Variants in FBXL17 observed in about 807,000 individuals in gnomAD.
The protein encoded by FBXL17 is F-box/LRR-repeat protein 17.
FBXL17 carries 22 observed loss-of-function variants against 66.2 expected under a neutral mutation model. The ratio of observed to expected loss-of-function variants is 0.33; its 90% CI spans 0.24 to 0.47. FBXL17 has a LOEUF of 0.47. FBXL17 is among the 20% of genes least tolerant of loss of function. The probability of loss-of-function intolerance (pLI) is 1.00; values close to 1 mark genes in which losing one functional copy is unlikely to be tolerated. For synonymous variants in FBXL17, 474 were observed against 400.5 expected, an observed-to-expected ratio of 1.18 and a Z score of -2.19; for missense variants, 878 against 948.2, an observed-to-expected ratio of 0.93 and a Z score of 0.97.
chr5:108,271,198 C>A (rs967892936), intron 4 of FBXL17, among the ~76,000 whole-genome samples: 7 of 152,070 alleles, frequency 4.6e-5, no homozygotes, highest in Non-Finnish European at 8.8e-5. Context: ...TCAATTCCTC[C>A]AGTGAAATAA....
At position 107,860,137 on chromosome 5, in the gene FBXL17, G is replaced by C. The variant is rs1050723305; in HGVS notation, c.*1583C>G. The stretch of plus-strand genomic sequence containing the variant: ...AAGGAAACAGTTGTTTACAAAAAAA[G>C]AGAATCATTAGAAATCAGTAAATGG... On this transcript the variant is annotated 3_prime_UTR_variant, in exon 9 of 9. Coordinates refer to ENST00000542267, the MANE Select transcript of FBXL17 (RefSeq NM_001163315.3). 3.9e-5 allele frequency: 6 copies of C among 152,252 alleles called. No homozygotes were observed. The highest frequency in any genetic ancestry group is 1.4e-4 in the African/African-American group (6 of 41,442). 9.4% of individuals were successfully genotyped at this position (152,252 alleles called of 1,614,324 possible).
intron 4 of FBXL17, among the ~76,000 whole-genome samples, chr5:108,339,807 T>C (rs947327765): frequency 1.3e-5 from 2 of 152,208 alleles, no homozygotes; most frequent in Non-Finnish European, 2.9e-5. Flanking sequence ...GATATCCTTA[T>C]CGGAGTTTTT....
At position 108,224,103 on chromosome 5, in the gene FBXL17, A is replaced by T. The variant is rs747176318; in HGVS notation, c.1614+18T>A. 1.5e-6 allele frequency: 2 copies of T among 1,362,756 alleles called. No homozygotes were observed. Among genetic ancestry groups the T allele is most frequent in the South Asian group, 1.2e-5 (1 of 80,782 alleles). 84.4% of individuals were successfully genotyped at this position (1,362,756 alleles called of 1,614,324 possible). A position where few individuals can be genotyped will look rare whatever the true frequency, so the allele number is the denominator to read the frequency against. On this transcript the variant is annotated intron_variant, in intron 5 of 8. Transcript: ENST00000542267. ...ATGATACTCAAAAATACCAAGGAAA[A>T]GCAGCCATAGTACCTACCTTGGTTA...
At chr5:108,227,108 C>T (rs1755133811) in intron 4 of FBXL17, among the ~76,000 whole-genome samples, 1 of 152,084 alleles carries the variant, frequency 6.6e-6, no homozygotes, top group African/African-American at 2.4e-5. Context: ...CTGTGGAGAA[C>T]CATGACTAAT....
At chr5:108,340,210 TGA>T (rs1746791239) in intron 4 of FBXL17, among the ~76,000 whole-genome samples, 2 of 151,450 alleles carry the variant, frequency 1.3e-5, no homozygotes. Context: ...GAATTTAGAA[TGA>T]GTAAAAATGT....
chr5:108,248,653 C>A (rs1049288189), intron 4 of FBXL17, among the ~76,000 whole-genome samples: 2 of 152,074 alleles, frequency 1.3e-5, no homozygotes, highest in African/African-American at 4.8e-5. Context: ...CAGGAAATAA[C>A]ATAACCAAAT....
At chr5:108,207,406 T>A (rs1324233892) in intron 5 of FBXL17, among the ~76,000 whole-genome samples, 3 of 152,206 alleles carry the variant, frequency 2.0e-5, no homozygotes, top group South Asian at 4.2e-4. Context: ...GGTATACACA[T>A]ACCATGGTGG....
chr5:108,098,400 C>T (rs148244439), intron 6 of FBXL17, among the ~76,000 whole-genome samples: 4,988 of 152,186 alleles, frequency 0.033, 120 homozygotes, highest in Non-Finnish European at 0.05. Context: ...GCTTTGATTT[C>T]ACCTCCTTTC....
intron 7 of FBXL17, among the ~76,000 whole-genome samples, chr5:107,932,312 T>TAC (rs748556057): frequency 3.0e-4 from 46 of 152,322 alleles, no homozygotes; most frequent in Non-Finnish European, 5.9e-4. Flanking sequence ...TTCTTAGTAG[T>TAC]ACTCTTAATT....
chr5:107,888,685 G>A (rs1749053063), intron 7 of FBXL17, among the ~76,000 whole-genome samples: 1 of 152,100 alleles, frequency 6.6e-6, no homozygotes. Context: ...TATACTGGTA[G>A]TGTTATGTAT....
At chr5:108,079,980 A>C (rs1209715811) in intron 6 of FBXL17, among the ~76,000 whole-genome samples, 2 of 152,218 alleles carry the variant, frequency 1.3e-5, no homozygotes, top group African/African-American at 2.4e-5. Context: ...TTAAGAATTA[A>C]GGCAGGGAGG....
At chr5:108,271,565 A>G (rs1235797313) in intron 4 of FBXL17, among the ~76,000 whole-genome samples, 1 of 152,214 alleles carries the variant, frequency 6.6e-6, no homozygotes, top group Admixed American at 6.5e-5. Context: ...AAAACTACCA[A>G]TACAGTCAAC....
At chr5:108,147,698 A>G (rs1412474734) in intron 6 of FBXL17, among the ~76,000 whole-genome samples, 1 of 152,200 alleles carries the variant, frequency 6.6e-6, no homozygotes, top group African/African-American at 2.4e-5. Flanking sequence ...CTCAAATTTA[A>G]GGAGCTCAAT....
At chr5:108,343,953 T>C (rs1580855213) in intron 4 of FBXL17, among the ~76,000 whole-genome samples, 2 of 152,322 alleles carry the variant, frequency 1.3e-5, no homozygotes, top group Middle Eastern at 3.4e-3. Flanking sequence ...ATGAAACTCA[T>C]TTGGCGCTTT....
At chr5:108,238,284 G>T (rs1340701550) in intron 4 of FBXL17, among the ~76,000 whole-genome samples, 1 of 152,126 alleles carries the variant, frequency 6.6e-6, no homozygotes, top group Non-Finnish European at 1.5e-5. Context: ...TCTAAAAGCA[G>T]ATTATTTAAA....
intron 7 of FBXL17, among the ~76,000 whole-genome samples, chr5:107,995,405 A>G (rs886879242): frequency 6.6e-6 from 1 of 152,210 alleles, no homozygotes; most frequent in African/African-American, 2.4e-5. Context: ...GCATGGCTAA[A>G]TGAACTCTTT....
intron 6 of FBXL17, among the ~76,000 whole-genome samples, chr5:108,173,089 C>A (rs1752667287): frequency 6.6e-6 from 1 of 152,166 alleles, no homozygotes; most frequent in South Asian, 2.1e-4. Flanking sequence ...GTGTGAGCCA[C>A]TGTGCCCGGC....
chr5:107,996,895 C>A (rs544563749), intron 7 of FBXL17, among the ~76,000 whole-genome samples: 3 of 152,248 alleles, frequency 2.0e-5, no homozygotes, highest in African/African-American at 7.2e-5. Context: ...CATCATGGTA[C>A]CTCTCCTGGA....
At chr5:107,980,401 ATT>A (rs76242029) in intron 7 of FBXL17, among the ~76,000 whole-genome samples, 18 of 146,396 alleles carry the variant, frequency 1.2e-4, no homozygotes, top group African/African-American at 2.8e-4. Flanking sequence ...TTTACTTAAT[ATT>A]TTTTTTTTTC....
Sources: gnomAD v4.1 joint callset for allele counts (sites outside exome capture counted in the v4.1 genomes callset) on GRCh38, gnomAD v4.1.1 for gene constraint, MANE v1.5 for transcripts, NCBI Gene and HGNC (gene_info 2026-07-23, HGNC 2026-07-21) for gene names.